Variants in KCND2 observed in about 807,000 individuals in gnomAD.
The protein encoded by KCND2 is A-type voltage-gated potassium channel KCND2.
KCND2 carries 16 observed loss-of-function variants against 54.4 expected under a neutral mutation model. That is an observed-to-expected ratio of 0.29 (90% CI 0.20 to 0.45). The LOEUF (loss-of-function observed/expected upper bound fraction) is 0.45, where lower values mean the gene tolerates loss of function less well. KCND2 is among the 20% of genes least tolerant of loss of function. The pLI is 1.00. For missense variants in KCND2, 486 were observed against 824.2 expected, an observed-to-expected ratio of 0.59 and a Z score of 5.02; for synonymous variants, 317 against 310.7, an observed-to-expected ratio of 1.02 and a Z score of -0.21.
At chr7:120,370,336 T>A (rs184297264) in intron 1 of KCND2, among the ~76,000 whole-genome samples, 77 of 152,092 alleles carry the variant, frequency 5.1e-4, no homozygotes, top group Non-Finnish European at 7.4e-4. Flanking sequence ...TTGGCTGATG[T>A]TCTTACACTG....
At chr7:120,427,233 C>A (rs1801720757) in intron 1 of KCND2, among the ~76,000 whole-genome samples, 1 of 152,166 alleles carries the variant, frequency 6.6e-6, no homozygotes, top group African/African-American at 2.4e-5. Flanking sequence ...ACCTATAACA[C>A]AAAAGGACAC....
intron 1 of KCND2, among the ~76,000 whole-genome samples, chr7:120,579,460 G>T (rs1428659738): frequency 6.6e-6 from 1 of 151,676 alleles, no homozygotes; most frequent in Non-Finnish European, 1.5e-5. Context: ...AAATTAGCTG[G>T]GCATGGTGGT....
At chr7:120,704,957 C>T (rs150043336) in intron 1 of KCND2, among the ~76,000 whole-genome samples, 44 of 152,082 alleles carry the variant, frequency 2.9e-4, no homozygotes, top group Non-Finnish European at 5.2e-4. Flanking sequence ...CTTAAATGAA[C>T]GTGTAGAATA....
At chr7:120,543,100 CA>C (rs1248175309) in intron 1 of KCND2, among the ~76,000 whole-genome samples, 1 of 151,982 alleles carries the variant, frequency 6.6e-6, no homozygotes, top group African/African-American at 2.4e-5. Flanking sequence ...GTTTCCATTG[CA>C]TGTTTCGTGG....
At chr7:120,349,412 T>G (rs1800370554) in intron 1 of KCND2, among the ~76,000 whole-genome samples, 1 of 152,144 alleles carries the variant, frequency 6.6e-6, no homozygotes, top group South Asian at 2.1e-4. Flanking sequence ...CTGGAATTAA[T>G]GCACCTGTCT....
At chr7:120,511,128 A>C (rs577829242) in intron 1 of KCND2, among the ~76,000 whole-genome samples, 1 of 151,834 alleles carries the variant, frequency 6.6e-6, no homozygotes, top group Non-Finnish European at 1.5e-5. Context: ...TGTCATGAAC[A>C]CTACAAGTTT....
intron 1 of KCND2, among the ~76,000 whole-genome samples, chr7:120,544,921 T>G (rs1792025318): frequency 6.6e-6 from 1 of 151,840 alleles, no homozygotes; most frequent in Non-Finnish European, 1.5e-5. Flanking sequence ...ACCTTGGAAA[T>G]AAGTGCAAGT....
chr7:120,611,876 A>G (rs1322232984), intron 1 of KCND2, among the ~76,000 whole-genome samples: 3 of 152,176 alleles, frequency 2.0e-5, no homozygotes, highest in Non-Finnish European at 2.9e-5. Flanking sequence ...GATGTTTCAT[A>G]GGAAGAAATC....
chr7:120,353,592 A>G (rs1800448144), intron 1 of KCND2, among the ~76,000 whole-genome samples: 1 of 152,174 alleles, frequency 6.6e-6, no homozygotes, highest in Non-Finnish European at 1.5e-5. Context: ...AATGTGACCA[A>G]GAATCGGTTA....
intron 1 of KCND2, among the ~76,000 whole-genome samples, chr7:120,676,833 G>T (rs994771593): frequency 6.6e-6 from 1 of 152,126 alleles, no homozygotes; most frequent in East Asian, 1.9e-4. Flanking sequence ...ATTTGATGAT[G>T]CTGGATAGGA....
At position 120,274,593 on chromosome 7, in the gene KCND2, A is replaced by T; in HGVS notation, c.-40A>T. 1 of 1,613,800 alleles carries T rather than the reference A, an allele frequency of 6.2e-7. No individual in the cohort carries two copies. The highest frequency in any genetic ancestry group is 8.5e-7 in the Non-Finnish European group (1 of 1,179,792). ...TTTGGCTGCTTCGGTGACCCATTGT[A>T]GACGCCTCGTTACCCTTCTTCCTTC... is the stretch of plus-strand genomic sequence containing the variant. On this transcript the variant is annotated 5_prime_UTR_variant, in exon 1 of 6. Coordinates refer to ENST00000331113, the MANE Select transcript of KCND2 (RefSeq NM_012281.3).
intron 1 of KCND2, among the ~76,000 whole-genome samples, chr7:120,591,931 A>G (rs1344334976): frequency 6.6e-6 from 1 of 152,250 alleles, no homozygotes; most frequent in Non-Finnish European, 1.5e-5. Flanking sequence ...CTATGTGCAA[A>G]TGGTTTTATA....
At chr7:120,454,295 A>T (rs1397311406) in intron 1 of KCND2, among the ~76,000 whole-genome samples, 5 of 152,110 alleles carry the variant, frequency 3.3e-5, no homozygotes, top group Admixed American at 3.3e-4. Flanking sequence ...AATAAATATG[A>T]TTGATAGACC....
intron 2 of KCND2, among the ~76,000 whole-genome samples, chr7:120,734,462 A>G (rs1792846657): frequency 6.6e-6 from 1 of 152,132 alleles, no homozygotes; most frequent in African/African-American, 2.4e-5. Context: ...TTGTAAAGTC[A>G]CATACCTGTT....
chr7:120,506,038 T>TGTTTGTTAATTTTAAACC (rs1286412379), intron 1 of KCND2, among the ~76,000 whole-genome samples: 1 of 149,612 alleles, frequency 6.7e-6, no homozygotes, highest in Non-Finnish European at 1.5e-5. Flanking sequence ...TACTTTAAAC[T>TGTTTGTTAATTTTAAACC]GTTTGTTAAT....
intron 1 of KCND2, among the ~76,000 whole-genome samples, chr7:120,558,511 T>C (rs1354671272): frequency 6.6e-6 from 1 of 152,198 alleles, no homozygotes; most frequent in Non-Finnish European, 1.5e-5. Context: ...ATTAATTTTA[T>C]ATATCTGTGC....
At chr7:120,608,276 G>T (rs1243359181) in intron 1 of KCND2, among the ~76,000 whole-genome samples, 11 of 151,970 alleles carry the variant, frequency 7.2e-5, no homozygotes. Context: ...AGACTTACTT[G>T]TTTTAGATTT....
At chr7:120,334,284 T>C (rs1250171502) in intron 1 of KCND2, among the ~76,000 whole-genome samples, 1 of 152,224 alleles carries the variant, frequency 6.6e-6, no homozygotes, top group African/African-American at 2.4e-5. Context: ...AGAGTGATTT[T>C]ACTTATGTAC....
intron 2 of KCND2, among the ~76,000 whole-genome samples, chr7:120,735,815 A>G (rs1792862917): frequency 6.6e-6 from 1 of 152,116 alleles, no homozygotes; most frequent in South Asian, 2.1e-4. Flanking sequence ...CAAGTATAAT[A>G]TGTCCAGTAT....
Sources: gnomAD v4.1 joint callset for allele counts (sites outside exome capture counted in the v4.1 genomes callset) on GRCh38, gnomAD v4.1.1 for gene constraint, MANE v1.5 for transcripts, NCBI Gene and HGNC (gene_info 2026-07-23, HGNC 2026-07-21) for gene names.